The following EPN2 variants were observed in gnomAD, a reference collection of about 807,000 sequenced individuals.
The protein encoded by EPN2 is epsin 2.
Under a neutral mutation model 61.7 loss-of-function variants are expected in EPN2, and 34 were observed. That is an observed-to-expected ratio of 0.55 (90% CI 0.42 to 0.73). The LOEUF is 0.73. Ranked by LOEUF, EPN2 falls within the 30% of genes least tolerant of loss-of-function variation. The pLI is 0.00. For synonymous variants in EPN2, 349 were observed against 353.6 expected, an observed-to-expected ratio of 0.99 and a Z score of 0.15; for missense variants, 714 against 839.2, an observed-to-expected ratio of 0.85 and a Z score of 1.84.
intron 4 of EPN2, among the ~76,000 whole-genome samples, chr17:19,286,438 T>C (rs1288149325): frequency 6.6e-6 from 1 of 152,238 alleles, no homozygotes; most frequent in Non-Finnish European, 1.5e-5. Flanking sequence ...TAATTAATAA[T>C]GTATCCTGAT....
intron 4 of EPN2, chr17:19,308,078 T>C (rs1055310049): frequency 2.3e-5 from 22 of 965,120 alleles, no homozygotes; most frequent in Non-Finnish European, 2.3e-5. Context: ...AATTAGAACA[T>C]TTATTTATTT....
chr17:19,287,043 G>A (rs1179366531), intron 4 of EPN2, among the ~76,000 whole-genome samples: 2 of 152,002 alleles, frequency 1.3e-5, no homozygotes, highest in Non-Finnish European at 2.9e-5. Flanking sequence ...TTGAGCCTTG[G>A]TGGCCAATTT....
At chr17:19,304,605 C>T (rs1431625532) in intron 4 of EPN2, among the ~76,000 whole-genome samples, 2 of 152,222 alleles carry the variant, frequency 1.3e-5, no homozygotes, top group Non-Finnish European at 2.9e-5. Context: ...CAGCTCAGGA[C>T]AGGGCTGGAA....
At chr17:19,278,173 G>A (rs750396075) in intron 1 of EPN2, among the ~76,000 whole-genome samples, 30 of 151,848 alleles carry the variant, frequency 2.0e-4, no homozygotes, top group Non-Finnish European at 4.0e-4. Flanking sequence ...ACGGGGTCTC[G>A]CCATGTTGCC....
intron 1 of EPN2, among the ~76,000 whole-genome samples, chr17:19,251,357 C>T (rs1267688302): frequency 6.6e-6 from 1 of 152,146 alleles, no homozygotes; most frequent in Non-Finnish European, 1.5e-5. Flanking sequence ...GAGGTGAGCT[C>T]TCTTTGCACT....
intron 1 of EPN2, among the ~76,000 whole-genome samples, chr17:19,278,165 G>A (rs1007213245): frequency 2.6e-5 from 4 of 151,884 alleles, no homozygotes; most frequent in Non-Finnish European, 2.9e-5. Flanking sequence ...TTTTAGAGAC[G>A]GGGTCTCGCC....
intron 7 of EPN2, among the ~76,000 whole-genome samples, chr17:19,314,232 G>A (rs536360709): frequency 9.8e-5 from 15 of 152,300 alleles, no homozygotes; most frequent in African/African-American, 3.1e-4. Flanking sequence ...GGAACACAGC[G>A]TAATAGCAGT....
At chr17:19,276,192 G>C (rs2045303260) in intron 1 of EPN2, among the ~76,000 whole-genome samples, 1 of 152,034 alleles carries the variant, frequency 6.6e-6, no homozygotes, top group East Asian at 1.9e-4. Context: ...CTGTGGGCCT[G>C]CTCAGCCGTT....
At chr17:19,292,799 A>G (rs771298755) in intron 4 of EPN2, among the ~76,000 whole-genome samples, 5 of 152,212 alleles carry the variant, frequency 3.3e-5, no homozygotes, top group Admixed American at 1.3e-4. Context: ...GGAGGAGTCC[A>G]TTTGCTTCTC....
intron 4 of EPN2, among the ~76,000 whole-genome samples, chr17:19,295,364 A>ACGCGCGCGCGCG (rs374152445): frequency 5.7e-4 from 47 of 81,844 alleles, no homozygotes; most frequent in African/African-American, 2.8e-4. Flanking sequence ...ACACACACAC[A>ACGCGCGCGCGCG]CACGCGCGTG....
At chr17:19,282,702 C>T (rs1453553568) in intron 2 of EPN2, 2 of 155,678 alleles carry the variant, frequency 1.3e-5, no homozygotes, top group African/African-American at 4.8e-5. Context: ...ATAGCCATTC[C>T]AGTGGAAGTG....
chr17:19,254,712 G>C (rs1219771155), intron 1 of EPN2, among the ~76,000 whole-genome samples: 1 of 152,224 alleles, frequency 6.6e-6, no homozygotes, highest in South Asian at 2.1e-4. Context: ...TTGAGGATGA[G>C]TAGTGGCCTT....
In EPN2 at chr17:19,285,658, GC is replaced by G. The variant is rs1257520120; in HGVS notation, c.638del (p.Pro213ArgfsTer11). On this transcript the variant is annotated frameshift_variant, in exon 4 of 11. Transcript: ENST00000314728. LOFTEE classifies it high-confidence loss of function. The surrounding 1 kb of genome is among the most constrained non-coding windows in gnomAD (Gnocchi z 4.5). ...ASLCPQHRTG[A>X]PLGQSEELQP... ...GCTGTGCCCCCAGCACCGCACAGGG[GC>G]CCCGCTGGGTCAGAGTGAGGAGCTG... is the stretch of plus-strand genomic sequence containing the variant. The G allele has an allele frequency of 6.4e-7, 1 of 1,568,178 alleles. No individual in the cohort carries two copies. The highest frequency in any genetic ancestry group is 1.3e-5 in the African/African-American group (1 of 74,088).
At chr17:19,281,006 A>G (rs1050999931) in intron 1 of EPN2, among the ~76,000 whole-genome samples, 1 of 152,224 alleles carries the variant, frequency 6.6e-6, no homozygotes, top group African/African-American at 2.4e-5. Flanking sequence ...AGGATATTGC[A>G]AAGGATACAG....
At chr17:19,298,772 T>G (rs1905323716) in intron 4 of EPN2, among the ~76,000 whole-genome samples, 2 of 152,238 alleles carry the variant, frequency 1.3e-5, no homozygotes. Context: ...TCTCCCGGGT[T>G]ATTGTGTACG....
chr17:19,276,772 A>ATTTTTTTTTTTTTTT, intron 1 of EPN2, among the ~76,000 whole-genome samples: 1 of 95,898 alleles, frequency 1.0e-5, no homozygotes, highest in African/African-American at 9.8e-5. Flanking sequence ...TATGAGAATA[A>ATTTTTTTTTTTTTTT]GTTTTTTTTT....
At chr17:19,308,036 A>T in intron 4 of EPN2, 1 of 983,924 alleles carries the variant, frequency 1.0e-6, no homozygotes, top group Non-Finnish European at 1.2e-6. Context: ...CCTAAAATAG[A>T]TGTAATGAAA....
intron 3 of EPN2, among the ~76,000 whole-genome samples, chr17:19,284,136 G>T (rs1239255063): frequency 4.6e-5 from 7 of 152,168 alleles, no homozygotes; most frequent in Non-Finnish European, 7.3e-5. Context: ...CTCATATTAA[G>T]TGTTTTTCTG....
At chr17:19,261,358 G>T (rs1441434211) in intron 1 of EPN2, among the ~76,000 whole-genome samples, 1 of 152,158 alleles carries the variant, frequency 6.6e-6, no homozygotes, top group Non-Finnish European at 1.5e-5. Context: ...TGATCATGTT[G>T]TCATATGTTT....
Sources: allele counts gnomAD v4.1 joint callset (sites outside exome capture counted in the v4.1 genomes callset), GRCh38; gene constraint gnomAD v4.1.1; non-coding constraint Gnocchi (gnomAD v3.1); transcripts MANE v1.5; gene names NCBI Gene and HGNC (gene_info 2026-07-23, HGNC 2026-07-21).